Variants in MGA observed in about 807,000 individuals in gnomAD.
The protein encoded by MGA is MAX dimerization protein MGA.
MGA carries 40 observed loss-of-function variants against 261.1 expected under a neutral mutation model. The ratio of observed to expected loss-of-function variants is 0.15; its 90% CI spans 0.12 to 0.20. The LOEUF (loss-of-function observed/expected upper bound fraction) is 0.20, where lower values mean the gene tolerates loss of function less well. MGA is among the 10% of genes least tolerant of loss of function. MGA has a pLI of 1.00. For synonymous variants in MGA, 1,302 were observed against 1,290.6 expected, an observed-to-expected ratio of 1.01 and a Z score of -0.19; for missense variants, 3,397 against 3,630.5, an observed-to-expected ratio of 0.94 and a Z score of 1.65.
chr15:41,757,906 AAAC>A (rs2063235402), intron 19 of MGA, 67 bp downstream of exon 19: 2 of 1,387,982 alleles, frequency 1.4e-6, no homozygotes, highest in Non-Finnish European at 2.0e-6. Context: ...CTTAGGGTTG[AAAC>A]AACATTAGCT....
chr15:41,720,582 A>T (rs2060885462), intron 9 of MGA, among the ~76,000 whole-genome samples: 1 of 152,154 alleles, frequency 6.6e-6, no homozygotes, highest in Admixed American at 6.5e-5. Context: ...CTGTAATCCT[A>T]GCACTTTGAG....
At chr15:41,675,530 C>T (rs933085541) in intron 2 of MGA, among the ~76,000 whole-genome samples, 8 of 152,000 alleles carry the variant, frequency 5.3e-5, no homozygotes, top group East Asian at 1.9e-4. Flanking sequence ...TGCACCACCA[C>T]GCCCAGTTAA....
intron 10 of MGA, among the ~76,000 whole-genome samples, chr15:41,727,723 A>G (rs1595885519): frequency 6.6e-6 from 1 of 152,198 alleles, no homozygotes; most frequent in East Asian, 1.9e-4. Context: ...AATCAATATA[A>G]GCAGTATATA....
At chr15:41,694,214 G>A (rs1159244462) in intron 2 of MGA, among the ~76,000 whole-genome samples, 1 of 151,882 alleles carries the variant, frequency 6.6e-6, no homozygotes, top group Non-Finnish European at 1.5e-5. Context: ...TTAGGAGTTC[G>A]AGACCAGCCT....
At chr15:41,646,205 T>A (rs1242971292) in intron 1 of MGA, among the ~76,000 whole-genome samples, 1 of 152,228 alleles carries the variant, frequency 6.6e-6, no homozygotes, top group Non-Finnish European at 1.5e-5. Context: ...TATTGCTAAG[T>A]GACTTTCCTT....
At chr15:41,673,270 T>C (rs2058173146) in intron 2 of MGA, among the ~76,000 whole-genome samples, 1 of 152,132 alleles carries the variant, frequency 6.6e-6, no homozygotes, top group Non-Finnish European at 1.5e-5. Context: ...CAGGCTGAAG[T>C]GCAGTGGTGT....
chr15:41,668,284 C>T (rs16971942), intron 1 of MGA, among the ~76,000 whole-genome samples: 5,173 of 152,104 alleles, frequency 0.034, 144 homozygotes, highest in African/African-American at 0.073. Context: ...CTTCTTTAAA[C>T]GTGTGTACTA....
chr15:41,715,177 T>C lies in MGA; in HGVS notation c.3430+1681T>C, dbSNP rs550023032. On this transcript the variant is annotated intron_variant, in intron 9 of 23. Transcript: ENST00000219905. Reference sequence around the variant, plus strand: ...TCTTTTTTCTTTTTTTGAGACAGAGTCTCACTCTGTTGCCCAGGCTGGAGT... The same window carrying C: ...TCTTTTTTCTTTTTTTGAGACAGAGCCTCACTCTGTTGCCCAGGCTGGAGT... 2.8e-3 allele frequency among the ~76,000 whole-genome samples: 409 copies of C among 145,850 alleles called. 3 individuals are homozygous for C. Among genetic ancestry groups the C allele is most frequent in the African/African-American group, 9.8e-3 (390 of 39,918 alleles).
chr15:41,623,740 A>AG (rs2018354288), intron 1 of MGA, among the ~76,000 whole-genome samples: 1 of 149,646 alleles, frequency 6.7e-6, no homozygotes, highest in Admixed American at 6.7e-5. Flanking sequence ...AAAAAAAAAA[A>AG]AGAATCTAGG....
intron 11 of MGA, among the ~76,000 whole-genome samples, chr15:41,731,943 C>T (rs1163844882): frequency 6.6e-6 from 1 of 152,118 alleles, no homozygotes; most frequent in East Asian, 1.9e-4. Flanking sequence ...AGGTAGTGTG[C>T]CAGTGTGCTG....
At position 41,766,985 on chromosome 15, in the gene MGA, A is replaced by G. The variant is rs771386984; in HGVS notation, c.8903A>G (p.His2968Arg). The G allele has an allele frequency of 1.0e-4, 166 of 1,613,816 alleles. 2 individuals carry two copies. The highest frequency in any genetic ancestry group is 2.0e-4 in the South Asian group (18 of 91,080). The change falls in exon 24 of 24, where the codon CAC becomes CGC. Residue 2968 changes from histidine to arginine, a missense_variant. His to Arg is a conservative substitution (Grantham distance 29, BLOSUM62 0). Transcript: ENST00000219905. ...AGTGTGTCCTCACCCCCCACCCTAC[A>G]CATGAAGACTGGCTTGGAGAACAGC... is the stretch of plus-strand genomic sequence containing the variant.
intron 13 of MGA, among the ~76,000 whole-genome samples, chr15:41,739,173 C>T (rs932993179): frequency 2.6e-5 from 4 of 151,936 alleles, no homozygotes; most frequent in African/African-American, 7.3e-5. Flanking sequence ...AACAACTGTG[C>T]TGGTACCCAT....
At chr15:41,745,619 G>C (rs539145273) in intron 15 of MGA, among the ~76,000 whole-genome samples, 9 of 152,066 alleles carry the variant, frequency 5.9e-5, no homozygotes, top group Non-Finnish European at 2.9e-5. Flanking sequence ...TATATAGAGA[G>C]AGACAGACAG....
intron 9 of MGA, among the ~76,000 whole-genome samples, chr15:41,714,668 A>G (rs1169568554): frequency 6.6e-6 from 1 of 151,916 alleles, no homozygotes; most frequent in Admixed American, 6.6e-5. Context: ...ATTTTTTTAT[A>G]TTTTAGTAGA....
chr15:41,734,160 G>C (rs2061654948), intron 11 of MGA, among the ~76,000 whole-genome samples: 2 of 151,628 alleles, frequency 1.3e-5, no homozygotes, highest in South Asian at 2.1e-4. Context: ...TTCCCACCTC[G>C]GCCTCTCGGA....
intron 1 of MGA, among the ~76,000 whole-genome samples, chr15:41,645,637 C>T (rs1382663554): frequency 6.6e-6 from 1 of 152,126 alleles, no homozygotes; most frequent in African/African-American, 2.4e-5. Context: ...GAAGATTAAT[C>T]ACTTTAAATT....
intron 1 of MGA, among the ~76,000 whole-genome samples, chr15:41,636,237 C>G (rs1220566585): frequency 6.6e-6 from 1 of 151,486 alleles, no homozygotes; most frequent in African/African-American, 2.4e-5. Context: ...CTCCTGGGCC[C>G]AAGCAATTCT....
chr15:41,687,352 G>A (rs2059024262), intron 2 of MGA, among the ~76,000 whole-genome samples: 1 of 152,064 alleles, frequency 6.6e-6, no homozygotes. Flanking sequence ...TCAAATTTCA[G>A]TGTCCTGTTT....
chr15:41,743,906 T>G (rs2062266147), intron 15 of MGA, among the ~76,000 whole-genome samples: 1 of 152,198 alleles, frequency 6.6e-6, no homozygotes, highest in Non-Finnish European at 1.5e-5. Context: ...TATCCTACAC[T>G]TTGTGTAGTT....
Sources: gnomAD v4.1 joint callset for allele counts (sites outside exome capture counted in the v4.1 genomes callset) on GRCh38, gnomAD v4.1.1 for gene constraint, MANE v1.5 for transcripts, NCBI Gene and HGNC (gene_info 2026-07-23, HGNC 2026-07-21) for gene names.